The following LRRC18 variants were observed in gnomAD, a reference collection of about 807,000 sequenced individuals.
The protein encoded by LRRC18 is leucine rich repeat containing 18, also known as leucine-rich repeat-containing protein 18.
A neutral mutation model predicts 11.2 loss-of-function variants in LRRC18; 12 were observed. The observed-to-expected ratio is 1.07, with a 90% confidence interval of 0.69 to 1.74. The LOEUF (loss-of-function observed/expected upper bound fraction) is 1.74. Among genes scored for constraint, LRRC18 ranks in the 40% most tolerant of loss-of-function variants. LRRC18 has a pLI of 0.00. For missense variants in LRRC18, 374 were observed against 330.5 expected (o/e 1.13, Z -1.02); for synonymous variants, 155 against 130.6 (o/e 1.19, Z -1.27).
chr10:48,930,505 A>G, the LRRC18 span, among the ~76,000 whole-genome samples: 1 of 152,172 alleles, frequency 6.6e-6, no homozygotes, highest in East Asian at 1.9e-4. Context: ...GGTTAGGCCA[A>G]GGGGAGAAGG....
the LRRC18 span, among the ~76,000 whole-genome samples, chr10:48,920,898 A>G: frequency 6.6e-6 from 1 of 152,368 alleles, no homozygotes; most frequent in Non-Finnish European, 1.5e-5. Context: ...ATGAAAAATA[A>G]TAATGCTCCA....
the LRRC18 span, among the ~76,000 whole-genome samples, chr10:48,936,222 T>A: frequency 6.6e-6 from 1 of 152,080 alleles, no homozygotes; most frequent in African/African-American, 2.4e-5. Flanking sequence ...AATCATTAAA[T>A]GAGAGCTAAC....
At chr10:48,913,524 A>C in exon 1 of LRRC18, 1 of 1,613,746 alleles carries the variant, frequency 6.2e-7, no homozygotes, top group South Asian at 1.1e-5. Context: ...GCATTTTCTC[A>C]GGCAAGCCGC....
the LRRC18 span, among the ~76,000 whole-genome samples, chr10:48,937,783 C>G: frequency 6.6e-6 from 1 of 152,314 alleles, no homozygotes; most frequent in South Asian, 2.1e-4. Flanking sequence ...ACGTCTGTCT[C>G]TACATGGATT....
At chr10:48,929,765 C>A in the LRRC18 span, among the ~76,000 whole-genome samples, 8 of 152,176 alleles carry the variant, frequency 5.3e-5, no homozygotes, top group African/African-American at 1.2e-4. Flanking sequence ...GCCCAGCTCC[C>A]AGCCAGCTGC....
upstream of LRRC18, among the ~76,000 whole-genome samples, chr10:48,917,899 T>A (rs12416524): frequency 6.6e-6 from 1 of 152,102 alleles, no homozygotes; most frequent in Non-Finnish European, 1.5e-5. Flanking sequence ...TAACACTGTG[T>A]GATGGAGTTG....
At chr10:48,911,310 T>C (rs1386187072) in intron 1 of LRRC18, among the ~76,000 whole-genome samples, 2 of 152,226 alleles carry the variant, frequency 1.3e-5, no homozygotes, top group Non-Finnish European at 2.9e-5. Context: ...AAATGGGTTC[T>C]CTACTACGTT....
At chr10:48,909,924 C>A (rs1837848485) in exon 2 of LRRC18, 9 of 342,788 alleles carry the variant, frequency 2.6e-5, no homozygotes, top group Non-Finnish European at 4.8e-5. Context: ...AGGCAGTAAG[C>A]CTTTTAAGTC....
the LRRC18 span, among the ~76,000 whole-genome samples, chr10:48,928,332 C>T: frequency 6.9e-6 from 1 of 145,462 alleles, no homozygotes; most frequent in Non-Finnish European, 1.5e-5. Flanking sequence ...AATGCGTGGC[C>T]CTTGGAGGCT....
chr10:48,920,261 A>G, the LRRC18 span, among the ~76,000 whole-genome samples: 1 of 151,938 alleles, frequency 6.6e-6, no homozygotes, highest in Non-Finnish European at 1.5e-5. Flanking sequence ...AAAAAGCTAG[A>G]GCGGACAAAA....
At chr10:48,937,331 G>A in the LRRC18 span, among the ~76,000 whole-genome samples, 2 of 152,148 alleles carry the variant, frequency 1.3e-5, no homozygotes, top group African/African-American at 4.8e-5. Context: ...CAGGTAGCTG[G>A]CATTTCATAC....
exon 2 of LRRC18, chr10:48,910,201 T>C: frequency 6.5e-7 from 1 of 1,543,644 alleles, no homozygotes; most frequent in Non-Finnish European, 9.0e-7. Context: ...TTTATTCTGT[T>C]AGCTGAGTAG....
the LRRC18 span, among the ~76,000 whole-genome samples, chr10:48,935,900 G>A: frequency 2.9e-5 from 1 of 34,494 alleles, no homozygotes; most frequent in African/African-American, 7.2e-5. Flanking sequence ...GTGCATCTAT[G>A]GTCTTTTTTT....
chr10:48,923,572 C>T, the LRRC18 span, among the ~76,000 whole-genome samples: 7 of 147,888 alleles, frequency 4.7e-5, no homozygotes, highest in African/African-American at 1.7e-4. Flanking sequence ...TGGGCCTAAA[C>T]AATCAGTAAA....
chr10:48,913,493 C>G (rs781345560), exon 1 of LRRC18: 3 of 1,613,930 alleles, frequency 1.9e-6, no homozygotes, highest in African/African-American at 2.7e-5. Flanking sequence ...TGATTCTATT[C>G]AGGTTGTCCC....
At chr10:48,920,812 A>G in the LRRC18 span, among the ~76,000 whole-genome samples, 1 of 152,254 alleles carries the variant, frequency 6.6e-6, no homozygotes, top group African/African-American at 2.4e-5. Context: ...TAGCAAGGCC[A>G]TAGGATACAA....
At chr10:48,927,715 G>T in the LRRC18 span, among the ~76,000 whole-genome samples, 4 of 152,194 alleles carry the variant, frequency 2.6e-5, no homozygotes, top group African/African-American at 9.7e-5. Context: ...CTTTCCCCTA[G>T]CGGATAATAA....
chr10:48,932,007 G>A, the LRRC18 span, among the ~76,000 whole-genome samples: 2 of 152,206 alleles, frequency 1.3e-5, no homozygotes, highest in Admixed American at 6.5e-5. Context: ...GCTGCAGGGA[G>A]CATGGGAGCT....
chr10:48,919,425 A>G, the LRRC18 span, among the ~76,000 whole-genome samples: 1 of 152,248 alleles, frequency 6.6e-6, no homozygotes, highest in Non-Finnish European at 1.5e-5. Flanking sequence ...CCCAAAGCCC[A>G]GTAGTCTTAT....
Sources: gnomAD v4.1 joint callset for allele counts (sites outside exome capture counted in the v4.1 genomes callset) on GRCh38, gnomAD v4.1.1 for gene constraint, MANE v1.5 for transcripts, NCBI Gene and HGNC (gene_info 2026-07-23, HGNC 2026-07-21) for gene names.